Variants in TMEM161B observed in about 807,000 individuals in gnomAD.
TMEM161B encodes the protein transmembrane protein 161B.
TMEM161B carries 34 observed loss-of-function variants against 61.8 expected under a neutral mutation model. The observed-to-expected ratio is 0.55, with a 90% CI of 0.42 to 0.73. The LOEUF (loss-of-function observed/expected upper bound fraction) is 0.73, where lower values mean the gene tolerates loss of function less well. Among genes scored for constraint, TMEM161B ranks in the 30% least tolerant of loss-of-function variants. The pLI, the probability that TMEM161B is intolerant of heterozygous loss-of-function variation, is 0.00. For missense variants in TMEM161B, 456 were observed against 558.5 expected, an observed-to-expected ratio of 0.82 and a Z score of 1.85; for synonymous variants, 167 against 192.8, an observed-to-expected ratio of 0.87 and a Z score of 1.11.
intron 1 of TMEM161B, among the ~76,000 whole-genome samples, chr5:88,253,482 G>A (rs1272950078): frequency 6.6e-6 from 1 of 152,174 alleles, no homozygotes; most frequent in Non-Finnish European, 1.5e-5. Flanking sequence ...AACAGGAAAG[G>A]AAGAGAAGGT....
At position 88,202,931 on chromosome 5, in the gene TMEM161B, T is replaced by A. The variant is rs1012638367; in HGVS notation, c.914+31A>T. The A allele has an allele frequency of 4.9e-6, 7 of 1,414,480 alleles. No individual in the cohort carries two copies. In the African/African-American group the frequency reaches 7.0e-5, roughly 14 times the overall value. 87.6% of individuals were successfully genotyped at this position (1,414,480 alleles called of 1,614,324 possible). A position where few individuals can be genotyped will look rare whatever the true frequency, so the allele number is the denominator to read the frequency against. ...ACATTTAGTAAAGCAGTTTTGGTGA[T>A]AAAAATCAGCCCTCAAATGCCCATA... On this transcript the variant is annotated intron_variant, in intron 9 of 11. Transcript: ENST00000296595.
rs191373924 is a variant in TMEM161B, at chr5:88,197,469, A to C, written c.1186+200T>G. On this transcript the variant is annotated intron_variant, in intron 11 of 11. Transcript: ENST00000296595. ...AACAATTCTTGAAGACAAAGCATAAAGTTATAAAACCATGGGCCTGAGTTT... is the reference window on the plus strand; with the variant it reads ...AACAATTCTTGAAGACAAAGCATAACGTTATAAAACCATGGGCCTGAGTTT... Among the ~76,000 whole-genome samples, 140 of 152,246 alleles carry C rather than the reference A, an allele frequency of 9.2e-4. 2 individuals are homozygous for C. Among genetic ancestry groups the C allele is most frequent in the African/African-American group, 3.2e-3 (132 of 41,544 alleles).
At chr5:88,190,092 C>T (rs755859461), downstream of TMEM161B, 23 of 700,656 alleles carry the variant, frequency 3.3e-5, no homozygotes, top group South Asian at 3.3e-4. Context: ...TTTCTCAGTT[C>T]GTGTTGGATA....
chr5:88,190,938 T>C (rs922045516), downstream of TMEM161B, among the ~76,000 whole-genome samples: 2 of 152,256 alleles, frequency 1.3e-5, no homozygotes, highest in East Asian at 1.9e-4. Flanking sequence ...CACACTTTCA[T>C]GATACTGCTA....
chr5:88,263,368 T>A (rs911136125), intron 1 of TMEM161B, among the ~76,000 whole-genome samples: 7 of 152,220 alleles, frequency 4.6e-5, no homozygotes, highest in African/African-American at 1.7e-4. Context: ...TAAGCAGTTA[T>A]ATCCCTGTTG....
chr5:88,208,482 CA>C (rs796541470), intron 5 of TMEM161B, among the ~76,000 whole-genome samples: 5 of 114,758 alleles, frequency 4.4e-5, no homozygotes, highest in African/African-American at 1.3e-4. Context: ...ACTCCGTCTC[CA>C]AAAAAAAAAT....
chr5:88,243,963 AC>A (rs1468631311), intron 1 of TMEM161B, among the ~76,000 whole-genome samples: 1 of 151,630 alleles, frequency 6.6e-6, no homozygotes, highest in Non-Finnish European at 1.5e-5. Context: ...TCCTTTGCCC[AC>A]TTTTTGATTG....
At chr5:88,236,266 A>C (rs73770357) in intron 2 of TMEM161B, among the ~76,000 whole-genome samples, 12 of 152,318 alleles carry the variant, frequency 7.9e-5, no homozygotes, top group African/African-American at 2.6e-4. Context: ...ACTTCAGAAG[A>C]TAAAGGGGTA....
At chr5:88,220,333 T>C (rs989105560) in intron 5 of TMEM161B, among the ~76,000 whole-genome samples, 6 of 152,146 alleles carry the variant, frequency 3.9e-5, no homozygotes, top group Non-Finnish European at 8.8e-5. Context: ...AATGTGGCTG[T>C]CTCTGTGACA....
chr5:88,227,376 T>G (rs1486544077), intron 3 of TMEM161B, among the ~76,000 whole-genome samples: 1 of 152,192 alleles, frequency 6.6e-6, no homozygotes, highest in Non-Finnish European at 1.5e-5. Flanking sequence ...ATTAGTAAAG[T>G]GTAAATTAAA....
chr5:88,203,048 T>C lies in TMEM161B; in HGVS notation c.828A>G (p.Ala276=), dbSNP rs756921853. ...CCCAGAGCAGAACCATAAATAAAGG[T>C]GCCAAGAAGTTGATATGAAGTAAAG... ...TQTLLHINFL[A]PLFMVLLWVK... is the part of the protein sequence containing the mutation. The change falls in exon 9 of 12, where the codon GCA becomes GCG. Residue 276 remains alanine (A), a synonymous_variant. Transcript: ENST00000296595. The C allele has an allele frequency of 1.3e-5, 21 of 1,608,228 alleles. 1 individual carries two copies. The South Asian group carries it at 1.9e-4, about 14-fold the overall frequency.
chr5:88,267,827 ACCTGTC>A (rs143031473), intron 1 of TMEM161B, among the ~76,000 whole-genome samples: 4,920 of 152,230 alleles, frequency 0.032, 306 homozygotes, highest in East Asian at 0.16. Context: ...TTGCTGAAGT[ACCTGTC>A]CCACAGATCA....
intron 9 of TMEM161B, 21 bp from the exon 10 acceptor site, chr5:88,199,171 A>T: frequency 6.3e-7 from 1 of 1,584,872 alleles, no homozygotes; most frequent in Non-Finnish European, 8.6e-7. Flanking sequence ...AAAAGTTGAT[A>T]CGGTGCTCTC....
Position 88,196,419 on chromosome 5 carries a change from T to C in TMEM161B, c.1256A>G (p.Asn419Ser). 2 of 1,613,312 alleles carry C rather than the reference T, an allele frequency of 1.2e-6. No individual in the cohort carries two copies. The highest frequency in any genetic ancestry group is 1.3e-5 in the African/African-American group (1 of 74,976). Residue 419 changes from asparagine (N) to serine (S), a missense_variant, in exon 12 of 12, where the codon AAT becomes AGT. Around this residue, in one of 3 missense-constraint regions of TMEM161B, gnomAD observed 367 missense variants for 427.3 expected, o/e 0.86. Transcript: ENST00000296595. Reference sequence around the variant, plus strand: ...TGATGGTAATTCAGAGTAAACAGAATTGGACAGTAGACTATTATCCACTGG... The same window carrying C: ...TGATGGTAATTCAGAGTAAACAGAACTGGACAGTAGACTATTATCCACTGG... The part of the protein sequence containing the change: ...TLPVDNSLLS[N>S]SVYSELPSAE...
intron 1 of TMEM161B, among the ~76,000 whole-genome samples, chr5:88,252,907 C>T (rs565699209): frequency 6.6e-6 from 1 of 152,206 alleles, no homozygotes; most frequent in Non-Finnish European, 1.5e-5. Flanking sequence ...ACTAAGTGTT[C>T]CATTCGATTA....
chr5:88,226,875 G>C (rs1486112007), intron 3 of TMEM161B, among the ~76,000 whole-genome samples: 1 of 152,176 alleles, frequency 6.6e-6, no homozygotes, highest in Non-Finnish European at 1.5e-5. Context: ...CCAACACTTT[G>C]AGAGGCCAGG....
chr5:88,255,599 T>A (rs1183599175), intron 1 of TMEM161B, among the ~76,000 whole-genome samples: 1 of 152,226 alleles, frequency 6.6e-6, no homozygotes, highest in African/African-American at 2.4e-5. Context: ...TAAAACATAA[T>A]TGTCAACAAC....
At chr5:88,238,180 G>A (rs1002046209) in intron 2 of TMEM161B, among the ~76,000 whole-genome samples, 3 of 151,840 alleles carry the variant, frequency 2.0e-5, no homozygotes, top group African/African-American at 7.3e-5. Context: ...ACTTAAACTT[G>A]TATTTTTTTT....
intron 5 of TMEM161B, among the ~76,000 whole-genome samples, chr5:88,217,982 C>T (rs1485445057): frequency 6.7e-6 from 1 of 148,858 alleles, no homozygotes; most frequent in East Asian, 1.9e-4. Flanking sequence ...AATCATAAAA[C>T]GAGCAGAATT....
Sources: allele counts gnomAD v4.1 joint callset (sites outside exome capture counted in the v4.1 genomes callset), GRCh38; gene constraint gnomAD v4.1.1; regional missense constraint gnomAD v4.1.1; transcripts MANE v1.5; gene names NCBI Gene and HGNC (gene_info 2026-07-23, HGNC 2026-07-21).